SSBP2: variants seen among roughly 807,000 people sequenced by gnomAD.
The protein encoded by SSBP2 is single-stranded DNA-binding protein 2.
In SSBP2, 17 loss-of-function variants were observed where a neutral mutation model predicts 61.8. The ratio of observed to expected loss-of-function variants is 0.28; its 90% CI spans 0.19 to 0.41. The LOEUF is 0.41. SSBP2 is among the 10% of genes least tolerant of loss of function. The pLI, the probability that SSBP2 is intolerant of heterozygous loss-of-function variation, is 1.00. For missense variants in SSBP2, 310 were observed against 458.7 expected, an observed-to-expected ratio of 0.68 and a Z score of 2.96; for synonymous variants, 139 against 141.3, an observed-to-expected ratio of 0.98 and a Z score of 0.12.
intron 13 of SSBP2, among the ~76,000 whole-genome samples, chr5:81,441,974 G>C (rs1349434818): frequency 2.0e-5 from 3 of 152,028 alleles, no homozygotes; most frequent in Non-Finnish European, 4.4e-5. Flanking sequence ...TAAAACTATA[G>C]GTATGTATGT....
At chr5:81,453,456 C>CTTT (rs34761912) in intron 10 of SSBP2, among the ~76,000 whole-genome samples, 8 of 112,134 alleles carry the variant, frequency 7.1e-5, no homozygotes, top group Non-Finnish European at 1.4e-4. Context: ...TGGGTTTATT[C>CTTT]TTTTTTTTTT....
intron 4 of SSBP2, among the ~76,000 whole-genome samples, chr5:81,562,034 A>G (rs1452283709): frequency 6.6e-6 from 1 of 151,642 alleles, no homozygotes; most frequent in African/African-American, 2.4e-5. Flanking sequence ...CCTCCCAAGT[A>G]GCTGGGGCTA....
At chr5:81,582,097 T>C (rs1201961422) in intron 4 of SSBP2, among the ~76,000 whole-genome samples, 1 of 152,162 alleles carries the variant, frequency 6.6e-6, no homozygotes, top group Admixed American at 6.5e-5. Context: ...TGTCTAAGTA[T>C]TAGATTAAAG....
At chr5:81,502,538 T>A (rs912506997) in intron 5 of SSBP2, among the ~76,000 whole-genome samples, 6 of 152,188 alleles carry the variant, frequency 3.9e-5, no homozygotes, top group Admixed American at 1.3e-4. Flanking sequence ...TCTCTCTAGC[T>A]CAAGCCTCAA....
intron 4 of SSBP2, among the ~76,000 whole-genome samples, chr5:81,552,496 GGT>G (rs1198226262): frequency 6.6e-6 from 1 of 152,018 alleles, no homozygotes; most frequent in Non-Finnish European, 1.5e-5. Context: ...AAATTAGCCA[GGT>G]GTGACGACAC....
chr5:81,593,786 A>G (rs902492539), intron 4 of SSBP2, among the ~76,000 whole-genome samples: 5 of 152,224 alleles, frequency 3.3e-5, no homozygotes, highest in African/African-American at 1.2e-4. Context: ...CAGACAAGCA[A>G]ATACTGAGAG....
At chr5:81,716,700 T>C (rs1170037067) in intron 1 of SSBP2, among the ~76,000 whole-genome samples, 1 of 152,226 alleles carries the variant, frequency 6.6e-6, no homozygotes, top group Admixed American at 6.5e-5. Context: ...GCATCACTTC[T>C]TCAACTTCAG....
rs1761348967 is a variant in SSBP2, at chr5:81,417,350, G to A, written c.*3154C>T. ...ACTTTGCTGTAAGACACGTAGTTAA[G>A]AATCATACATACCCTCAGAAAGAAT... On this transcript the variant is annotated 3_prime_UTR_variant, in exon 17 of 17. Coordinates refer to ENST00000320672, the MANE Select transcript of SSBP2 (RefSeq NM_012446.5). 6.6e-6 allele frequency: 1 copy of A among 152,184 alleles called. No homozygotes were observed. Among genetic ancestry groups the A allele is most frequent in the Non-Finnish European group, 1.5e-5 (1 of 68,032 alleles). The allele number at this position is 152,184 out of a possible 1,614,324, so 9.4% of individuals were successfully genotyped here. A position where few individuals can be genotyped will look rare whatever the true frequency, so the allele number is the denominator to read the frequency against.
chr5:81,652,573 A>G (rs979073215), intron 1 of SSBP2, among the ~76,000 whole-genome samples: 3 of 152,114 alleles, frequency 2.0e-5, no homozygotes, highest in African/African-American at 7.2e-5. Context: ...TCCGGCTGAG[A>G]AAACCTATCT....
intron 4 of SSBP2, among the ~76,000 whole-genome samples, chr5:81,582,532 AG>A (rs1774736814): frequency 6.6e-6 from 1 of 152,214 alleles, no homozygotes; most frequent in Non-Finnish European, 1.5e-5. Context: ...AAAAATCTGA[AG>A]AAAAATCTTC....
At chr5:81,593,308 C>A (rs10213838) in intron 4 of SSBP2, among the ~76,000 whole-genome samples, 15,063 of 151,962 alleles carry the variant, frequency 0.099, 1,385 homozygotes, top group African/African-American at 0.25. Context: ...ATAAAAAGAA[C>A]CGAACAAAGC....
At chr5:81,614,973 C>G (rs181128585) in intron 4 of SSBP2, 252 of 152,752 alleles carry the variant, frequency 1.6e-3, no homozygotes, top group Non-Finnish European at 3.1e-3. Context: ...CTACTCTTGT[C>G]TGGTATTTCC....
intron 9 of SSBP2, among the ~76,000 whole-genome samples, chr5:81,463,716 G>C (rs995307773): frequency 2.7e-5 from 4 of 147,686 alleles, no homozygotes; most frequent in African/African-American, 5.0e-5. Context: ...GGTTGATTTT[G>C]ATGAAATCAA....
At chr5:81,594,117 C>T (rs1743437740) in intron 4 of SSBP2, among the ~76,000 whole-genome samples, 1 of 152,090 alleles carries the variant, frequency 6.6e-6, no homozygotes, top group Non-Finnish European at 1.5e-5. Context: ...AAGAGACACA[C>T]ACTGGCTCAA....
At chr5:81,629,917 T>C (rs1039578271) in intron 3 of SSBP2, among the ~76,000 whole-genome samples, 1 of 152,224 alleles carries the variant, frequency 6.6e-6, no homozygotes, top group Non-Finnish European at 1.5e-5. Context: ...ACATTATTAT[T>C]AAACCAGTAC....
intron 4 of SSBP2, among the ~76,000 whole-genome samples, chr5:81,558,426 C>T (rs1772773892): frequency 6.6e-6 from 1 of 152,208 alleles, no homozygotes; most frequent in Non-Finnish European, 1.5e-5. Context: ...TGTATCCTCA[C>T]ACGACAGAGA....
At chr5:81,613,978 T>C (rs1384651073) in intron 4 of SSBP2, among the ~76,000 whole-genome samples, 13 of 152,220 alleles carry the variant, frequency 8.5e-5, no homozygotes, top group Non-Finnish European at 1.0e-4. Context: ...AGAGCTATTG[T>C]TCAGTGTGTA....
At chr5:81,735,161 AT>A (rs1756516497) in intron 1 of SSBP2, among the ~76,000 whole-genome samples, 1 of 152,080 alleles carries the variant, frequency 6.6e-6, no homozygotes, top group Non-Finnish European at 1.5e-5. Context: ...ATTATATTAA[AT>A]ATATAGAGAT....
At position 81,442,747 on chromosome 5, in the gene SSBP2, A is replaced by T. The variant is rs1372698900; in HGVS notation, c.779-24T>A. ...ATCTGAAACAAAATATTACTTAATT[A>T]AAATATTTCTTTAGAGTCTATACCC... On this transcript the variant is annotated intron_variant, in intron 12 of 16. Coordinates refer to ENST00000320672, the MANE Select transcript of SSBP2 (RefSeq NM_012446.5). 3 of 1,320,636 alleles carry T rather than the reference A, an allele frequency of 2.3e-6. No individual in the cohort carries two copies. The African/African-American group carries it at 4.5e-5, about 20-fold the overall frequency. The allele number at this position is 1,320,636 out of a possible 1,614,324, so 81.8% of individuals were successfully genotyped here.
Sources: gnomAD v4.1 joint callset for allele counts (sites outside exome capture counted in the v4.1 genomes callset) on GRCh38, gnomAD v4.1.1 for gene constraint, MANE v1.5 for transcripts, NCBI Gene and HGNC (gene_info 2026-07-23, HGNC 2026-07-21) for gene names.